Variants in MOK observed in about 807,000 individuals in gnomAD.
MOK encodes MAPK/MAK/MRK overlapping kinase.
MOK carries 59 observed loss-of-function variants against 54.2 expected under a neutral mutation model. The ratio of observed to expected loss-of-function variants is 1.09; its 90% CI spans 0.88 to 1.35. MOK has a LOEUF of 1.35. MOK is among the 40% of genes most tolerant of loss of function. MOK has a pLI of 0.00. For missense variants in MOK, 517 were observed against 526.2 expected (o/e 0.98, Z 0.17); for synonymous variants, 210 against 202.7 (o/e 1.04, Z -0.31).
Position 102,250,941 on chromosome 14 carries a change from G to A in MOK, c.461C>T (p.Ser154Phe). The A allele has an allele frequency of 6.2e-7, 1 of 1,614,140 alleles. No homozygotes were observed. Residue 154 changes from serine (S) to phenylalanine (F), a missense_variant, in exon 7 of 12, where the codon TCC becomes TTC. Transcript: ENST00000361847. The stretch of plus-strand genomic sequence containing the variant: ...GATGTATTCCGTGTACGGCTGCTTG[G>A]AATAGACACTCCGGCAGGAGCCAAA... ...GDFGSCRSVY[S>F]KQPYTEYIST...
chr14:102,215,288 G>A, the MOK span, among the ~76,000 whole-genome samples: 1 of 152,200 alleles, frequency 6.6e-6, no homozygotes, highest in Non-Finnish European at 1.5e-5. Flanking sequence ...GCTGAGCTGT[G>A]TAGAGGCTTC....
chr14:102,273,089 GA>G (rs1341150080), intron 2 of MOK, among the ~76,000 whole-genome samples: 1 of 151,954 alleles, frequency 6.6e-6, no homozygotes, highest in African/African-American at 2.4e-5. Context: ...AGAATCACTT[GA>G]ACCCGGGAGG....
downstream of MOK, chr14:102,224,704 A>ATTAG: frequency 4.4e-6 from 2 of 456,036 alleles, no homozygotes; most frequent in South Asian, 3.1e-5. Context: ...CGGAGGAGAC[A>ATTAG]TTAGTTACAG....
chr14:102,299,498 G>A lies in MOK; in HGVS notation c.7+5464C>T, dbSNP rs551114906. 2.2e-3 allele frequency among the ~76,000 whole-genome samples: 340 copies of A among 151,548 alleles called. 2 individuals are homozygous for A. The highest frequency in any genetic ancestry group is 3.7e-3 in the Non-Finnish European group (252 of 67,972). On this transcript the variant is annotated intron_variant, in intron 1 of 11. Transcript: ENST00000361847. The stretch of plus-strand genomic sequence containing the variant: ...CCACTGCACTCCAGCCTGGGCAACA[G>A]AGTGAGACTACCTACAAAAAAAAAA...
chr14:102,282,093 C>A (rs934396180), intron 2 of MOK, among the ~76,000 whole-genome samples: 2 of 152,226 alleles, frequency 1.3e-5, no homozygotes, highest in East Asian at 1.9e-4. Context: ...ACTACCCTAT[C>A]CAGATGTCAT....
chr14:102,229,330 GCTGCGGGGCAGGCTTAAGGTCCTT>G lies in MOK; in HGVS notation c.1195_1218del (p.Lys399_Gln406del). 6.2e-7 allele frequency: 1 copy of G among 1,613,870 alleles called. No homozygotes were observed. The highest frequency in any genetic ancestry group is 8.5e-7 in the Non-Finnish European group (1 of 1,179,848). On this transcript the variant is annotated inframe_deletion, in exon 12 of 12. Coordinates refer to ENST00000361847, the MANE Select transcript of MOK (RefSeq NM_014226.3). ...CGCACTATGGTGGGCAGGCGACACT[GCTGCGGGGCAGGCTTAAGGTCCTT>G]CTGCGGATCTGTCTGTCAAAGAAAA... is the stretch of plus-strand genomic sequence containing the variant.
chr14:102,299,298 G>A (rs923842166), intron 1 of MOK, among the ~76,000 whole-genome samples: 1 of 152,170 alleles, frequency 6.6e-6, no homozygotes, highest in Non-Finnish European at 1.5e-5. Flanking sequence ...CAGATCACCT[G>A]AGGTCAGGAG....
At chr14:102,277,000 A>G (rs968847125) in intron 2 of MOK, among the ~76,000 whole-genome samples, 2 of 147,086 alleles carry the variant, frequency 1.4e-5, no homozygotes, top group East Asian at 4.0e-4. Flanking sequence ...GGAGTGAGCC[A>G]CTATGCCCTG....
At position 102,231,887 on chromosome 14, in the gene MOK, C is replaced by T; in HGVS notation, c.867-66G>A. On this transcript the variant is annotated intron_variant, in intron 9 of 11. Coordinates refer to ENST00000361847, the MANE Select transcript of MOK (RefSeq NM_014226.3). The surrounding 1 kb of genome is among the most constrained non-coding windows in gnomAD (Gnocchi z 4.4). ...GCCCGCAGAGCACACGGCCTACTGG[C>T]TTCTTTGTCTCCAATTTGTCTACTG... The T allele has an allele frequency of 7.5e-7, 1 of 1,331,744 alleles. No individual in the cohort carries two copies. The highest frequency in any genetic ancestry group is 1.1e-6 in the Non-Finnish European group (1 of 943,922). 82.5% of individuals were successfully genotyped at this position (1,331,744 alleles called of 1,614,324 possible). A position where few individuals can be genotyped will look rare whatever the true frequency, so the allele number is the denominator to read the frequency against.
At chr14:102,263,238 A>C (rs1053170606) in intron 4 of MOK, among the ~76,000 whole-genome samples, 1 of 152,242 alleles carries the variant, frequency 6.6e-6, no homozygotes, top group Non-Finnish European at 1.5e-5. Flanking sequence ...GCGGGCCTGC[A>C]CACACATGCC....
chr14:102,218,903 C>T, the MOK span, among the ~76,000 whole-genome samples: 2 of 152,328 alleles, frequency 1.3e-5, no homozygotes, highest in African/African-American at 4.8e-5. Context: ...ACAGGTGAAG[C>T]GTGGGCGGGC....
intron 1 of MOK, among the ~76,000 whole-genome samples, chr14:102,302,154 C>T (rs1319398366): frequency 1.3e-5 from 2 of 150,138 alleles, no homozygotes; most frequent in Admixed American, 6.7e-5. Flanking sequence ...CTCACTGCAA[C>T]GCCCCCCTCC....
At chr14:102,288,846 T>C (rs1052934310) in intron 1 of MOK, among the ~76,000 whole-genome samples, 5 of 152,166 alleles carry the variant, frequency 3.3e-5, no homozygotes, top group Non-Finnish European at 1.5e-5. Context: ...TGGAAGCAGG[T>C]TTCATTGGCA....
At chr14:102,302,261 C>CG (rs1279990860) in intron 1 of MOK, among the ~76,000 whole-genome samples, 14 of 136,884 alleles carry the variant, frequency 1.0e-4, no homozygotes, top group Non-Finnish European at 3.2e-5. Flanking sequence ...TTAGTAGAGA[C>CG]GGGGTTTCAC....
chr14:102,255,443 A>T (rs1261637044), intron 4 of MOK, among the ~76,000 whole-genome samples: 1 of 152,186 alleles, frequency 6.6e-6, no homozygotes, highest in East Asian at 1.9e-4. Flanking sequence ...GTCCCAGGTA[A>T]GAGTCCTCTT....
Position 102,231,888 on chromosome 14 carries a change from T to C in MOK, c.867-67A>G. The C allele has an allele frequency of 7.5e-7, 1 of 1,333,874 alleles. No individual in the cohort carries two copies. Among genetic ancestry groups the C allele is most frequent in the Middle Eastern group, 2.1e-4 (1 of 4,786 alleles). 82.6% of individuals were successfully genotyped at this position (1,333,874 alleles called of 1,614,324 possible). A position where few individuals can be genotyped will look rare whatever the true frequency, so the allele number is the denominator to read the frequency against. ...CCCGCAGAGCACACGGCCTACTGGC[T>C]TCTTTGTCTCCAATTTGTCTACTGT... On this transcript the variant is annotated intron_variant, in intron 9 of 11. Coordinates refer to ENST00000361847, the MANE Select transcript of MOK (RefSeq NM_014226.3). The surrounding 1 kb of genome is among the most constrained non-coding windows in gnomAD (Gnocchi z 4.4).
At chr14:102,292,315 T>C (rs969544940) in intron 1 of MOK, among the ~76,000 whole-genome samples, 19 of 151,602 alleles carry the variant, frequency 1.3e-4, no homozygotes, top group African/African-American at 4.6e-4. Flanking sequence ...CTACTAAAAA[T>C]GTGAAAAATT....
Position 102,290,230 on chromosome 14 carries a change from G to A in MOK, c.8-6638C>T, listed in dbSNP as rs147696194. On this transcript the variant is annotated intron_variant, in intron 1 of 11. Coordinates refer to ENST00000361847, the MANE Select transcript of MOK (RefSeq NM_014226.3). ...CGAGGTGGGCAGATCATCTGAGGTC[G>A]GGAGTTCAAGACCAGCCTGACCAAC... 4.6e-5 allele frequency among the ~76,000 whole-genome samples: 7 copies of A among 151,028 alleles called. No individual in the cohort carries two copies. The East Asian group carries it at 5.8e-4, about 13-fold the overall frequency.
At chr14:102,251,484 G>T in intron 6 of MOK, 1 of 529,824 alleles carries the variant, frequency 1.9e-6, no homozygotes, top group Non-Finnish European at 3.6e-6. Flanking sequence ...CCCTCTAGAA[G>T]GTTTGAACGG....
Sources: allele counts gnomAD v4.1 joint callset (sites outside exome capture counted in the v4.1 genomes callset), GRCh38; gene constraint gnomAD v4.1.1; non-coding constraint Gnocchi (gnomAD v3.1); transcripts MANE v1.5; gene names NCBI Gene and HGNC (gene_info 2026-07-23, HGNC 2026-07-21).